Variants in RFTN1 observed in about 807,000 individuals in gnomAD.
RFTN1 encodes raftlin, lipid raft linker 1.
RFTN1 carries 26 observed loss-of-function variants against 46.5 expected under a neutral mutation model. The observed-to-expected ratio is 0.56, with a 90% CI of 0.41 to 0.78. The LOEUF (loss-of-function observed/expected upper bound fraction) is 0.78, where lower values mean the gene tolerates loss of function less well. Among genes scored for constraint, RFTN1 ranks in the 30% least tolerant of loss-of-function variants. The probability of loss-of-function intolerance (pLI) is 0.00; values close to 1 mark genes in which losing one functional copy is unlikely to be tolerated. For missense variants in RFTN1, 693 were observed against 718.7 expected (o/e 0.96, Z 0.41); for synonymous variants, 261 against 284.2 (o/e 0.92, Z 0.82).
At position 16,473,845 on chromosome 3, in the gene RFTN1, C is replaced by T. The variant is rs1364701110; in HGVS notation, c.145+19880G>A. On this transcript the variant is annotated intron_variant, in intron 2 of 9. Transcript: ENST00000334133. The surrounding 1 kb of genome is among the most constrained non-coding windows in gnomAD (Gnocchi z 5.3). ...CCTATCCTTCCCTGTCCTAGAAGCACGAAACCTACCTCTCCGGGCTGCCCT... is the reference window on the plus strand; with the variant it reads ...CCTATCCTTCCCTGTCCTAGAAGCATGAAACCTACCTCTCCGGGCTGCCCT... Among the ~76,000 whole-genome samples, 4 of 152,194 alleles carry T rather than the reference C, an allele frequency of 2.6e-5. No homozygotes were observed. The highest frequency in any genetic ancestry group is 4.8e-5 in the African/African-American group (2 of 41,450).
chr3:16,389,634 A>G (rs1254232884), intron 4 of RFTN1, among the ~76,000 whole-genome samples: 3 of 152,226 alleles, frequency 2.0e-5, no homozygotes, highest in African/African-American at 7.2e-5. Context: ...TTTGTTACGT[A>G]TTCTCAAAGT....
chr3:16,362,057 C>G (rs2072865678), intron 6 of RFTN1, among the ~76,000 whole-genome samples: 1 of 152,200 alleles, frequency 6.6e-6, no homozygotes, highest in Non-Finnish European at 1.5e-5. Context: ...CAACCTAGAC[C>G]TAAAAACAAG....
intron 2 of RFTN1, among the ~76,000 whole-genome samples, chr3:16,436,567 C>T (rs1256563066): frequency 1.3e-5 from 2 of 152,122 alleles, no homozygotes; most frequent in African/African-American, 2.4e-5. Context: ...AAACAATTCT[C>T]TTGTGAATTC....
chr3:16,479,418 A>C lies in RFTN1; in HGVS notation c.145+14307T>G, dbSNP rs1299799401. On this transcript the variant is annotated intron_variant, in intron 2 of 9. Transcript: ENST00000334133. This position sits in a 1 kb window ranked among gnomAD's most constrained non-coding sequence, Gnocchi z 5.1. ...ATTTACAGTCTCTAGATTGGCAAGA[A>C]ACAGTGGTAAGAAAAGAAACAGTTG... is the stretch of plus-strand genomic sequence containing the variant. 2.0e-5 allele frequency among the ~76,000 whole-genome samples: 3 copies of C among 152,256 alleles called. No individual in the cohort carries two copies. Among genetic ancestry groups the C allele is most frequent in the Non-Finnish European group, 4.4e-5 (3 of 68,046 alleles).
rs2070826988 is a variant in RFTN1 at position 16,336,135 on chromosome 3, C to G, written c.1147-9259G>C. ...AGGGCCACTTCACCTCTACCTCTCC[C>G]TAGCAAGTGGAAGGCAGATGCTGGA... is the stretch of plus-strand genomic sequence containing the variant. On this transcript the variant is annotated intron_variant, in intron 7 of 9. Transcript: ENST00000334133. The surrounding 1 kb of genome is among the most constrained non-coding windows in gnomAD (Gnocchi z 6.0). 6.6e-6 allele frequency among the ~76,000 whole-genome samples: 1 copy of G among 152,224 alleles called. No individual in the cohort carries two copies. Among genetic ancestry groups the G allele is most frequent in the African/African-American group, 2.4e-5 (1 of 41,464 alleles).
chr3:16,332,727 A>G (rs1160026813), intron 7 of RFTN1, among the ~76,000 whole-genome samples: 2 of 152,176 alleles, frequency 1.3e-5, no homozygotes, highest in Non-Finnish European at 2.9e-5. Flanking sequence ...TCATTTTGCT[A>G]AATTAGTTAG....
At chr3:16,379,187 A>G (rs1484696907) in intron 4 of RFTN1, among the ~76,000 whole-genome samples, 1 of 152,240 alleles carries the variant, frequency 6.6e-6, no homozygotes, top group African/African-American at 2.4e-5. Flanking sequence ...CAGTTTTGCC[A>G]GCACAGAGGT....
In RFTN1 at chr3:16,413,578, G is replaced by A. The variant is rs1316626295; in HGVS notation, c.333-4095C>T. 6.6e-6 allele frequency among the ~76,000 whole-genome samples: 1 copy of A among 152,166 alleles called. No individual in the cohort carries two copies. The highest frequency in any genetic ancestry group is 1.5e-5 in the Non-Finnish European group (1 of 68,032). ...TCCAGATGACTTCCACTTTTGGAAA[G>A]GACAGAGAGATCTGGTTTTAAACAG... is the stretch of plus-strand genomic sequence containing the variant. On this transcript the variant is annotated intron_variant, in intron 3 of 9. Coordinates refer to ENST00000334133, the MANE Select transcript of RFTN1 (RefSeq NM_015150.2). This position sits in a 1 kb window ranked among gnomAD's most constrained non-coding sequence, Gnocchi z 4.7.
At chr3:16,393,265 A>G (rs919541553) in intron 4 of RFTN1, among the ~76,000 whole-genome samples, 1 of 152,172 alleles carries the variant, frequency 6.6e-6, no homozygotes, top group Non-Finnish European at 1.5e-5. Flanking sequence ...GTAACCTGGA[A>G]CGAAGATTTG....
intron 2 of RFTN1, among the ~76,000 whole-genome samples, chr3:16,491,388 C>A (rs569926366): frequency 6.6e-6 from 1 of 152,250 alleles, no homozygotes; most frequent in East Asian, 1.9e-4. Context: ...TGGTGGCAGC[C>A]ACAGGAGAGC....
intron 2 of RFTN1, among the ~76,000 whole-genome samples, chr3:16,487,855 C>G (rs113075095): frequency 0.029 from 4,355 of 152,280 alleles, 93 homozygotes; most frequent in Middle Eastern, 0.051. Flanking sequence ...TTATGGGCCT[C>G]CATCTGCGAT....
rs2076338121 is a variant in RFTN1, at chr3:16,479,945, G to C, written c.145+13780C>G. On this transcript the variant is annotated intron_variant, in intron 2 of 9. Coordinates refer to ENST00000334133, the MANE Select transcript of RFTN1 (RefSeq NM_015150.2). The surrounding 1 kb of genome is among the most constrained non-coding windows in gnomAD (Gnocchi z 5.1). ...CTCTATTAGGGCTATACCCAAGCTG[G>C]CCTGGTTTCCAGATATAGGAGAACA... 6.6e-6 allele frequency among the ~76,000 whole-genome samples: 1 copy of C among 152,168 alleles called. No homozygotes were observed. Among genetic ancestry groups the C allele is most frequent in the African/African-American group, 2.4e-5 (1 of 41,430 alleles).
chr3:16,358,318 G>A (rs908038842), intron 6 of RFTN1, among the ~76,000 whole-genome samples: 4 of 152,120 alleles, frequency 2.6e-5, no homozygotes, highest in African/African-American at 7.2e-5. Context: ...GATTTCACAC[G>A]TTTACCTTCC....
In RFTN1 at chr3:16,318,252, G is replaced by C. The variant is rs139427495; in HGVS notation, c.1333-1020C>G. Among the ~76,000 whole-genome samples the C allele has an allele frequency of 3.4e-4, 51 of 152,238 alleles. No homozygotes were observed. The East Asian group carries it at 9.3e-3, about 28-fold the overall frequency. On this transcript the variant is annotated intron_variant, in intron 9 of 9. Transcript: ENST00000334133. ...GGCCCAGAGTGCACGTGGGGTTTTA[G>C]TTTTCAGTTCCCACCATGGCCACTT...
rs572865169 is a variant in RFTN1 at position 16,447,200 on chromosome 3, T to C, written c.146-13163A>G. Reference sequence around the variant, plus strand: ...CTAAGTCTACATAAAGTTCTATGCATTGTAAATGCATTTTAACAAATAATA... The same window carrying C: ...CTAAGTCTACATAAAGTTCTATGCACTGTAAATGCATTTTAACAAATAATA... On this transcript the variant is annotated intron_variant, in intron 2 of 9. Transcript: ENST00000334133. This position sits in a 1 kb window ranked among gnomAD's most constrained non-coding sequence, Gnocchi z 5.9. 6.6e-6 allele frequency among the ~76,000 whole-genome samples: 1 copy of C among 152,362 alleles called. No individual in the cohort carries two copies. Among genetic ancestry groups the C allele is most frequent in the South Asian group, 2.1e-4 (1 of 4,828 alleles).
rs1330262793 is a variant in RFTN1, at chr3:16,352,327, A to G, written c.1146+5605T>C. Among the ~76,000 whole-genome samples the G allele has an allele frequency of 6.6e-6, 1 of 152,234 alleles. No individual in the cohort carries two copies. Among genetic ancestry groups the G allele is most frequent in the Non-Finnish European group, 1.5e-5 (1 of 68,034 alleles). ...TGTCTATAAGCTCTGATGGGCTGTC[A>G]GGCTCAAAGATAAACAGATTCAGAG... On this transcript the variant is annotated intron_variant, in intron 7 of 9. Transcript: ENST00000334133. This position sits in a 1 kb window ranked among gnomAD's most constrained non-coding sequence, Gnocchi z 4.6.
intron 4 of RFTN1, among the ~76,000 whole-genome samples, chr3:16,408,162 T>C (rs1442323832): frequency 1.3e-5 from 2 of 152,046 alleles, no homozygotes; most frequent in Admixed American, 1.3e-4. Flanking sequence ...CCCTCCTGCC[T>C]CAGGCCCTCA....
Position 16,433,768 on chromosome 3 carries a change from A to C in RFTN1, c.332+83T>G, listed in dbSNP as rs570068896. On this transcript the variant is annotated intron_variant, in intron 3 of 9. Coordinates refer to ENST00000334133, the MANE Select transcript of RFTN1 (RefSeq NM_015150.2). This position sits in a 1 kb window ranked among gnomAD's most constrained non-coding sequence, Gnocchi z 4.4. ...GACAGCATGCAAATTTCAACCCCCA[A>C]CCCCATCCTCTCACTTCCCCTCCTC... 4.4e-5 allele frequency: 64 copies of C among 1,453,924 alleles called. 1 individual carries two copies. The South Asian group carries it at 4.8e-4, about 11-fold the overall frequency. 90.1% of individuals were successfully genotyped at this position (1,453,924 alleles called of 1,614,324 possible). A position where few individuals can be genotyped will look rare whatever the true frequency, so the allele number is the denominator to read the frequency against.
intron 4 of RFTN1, among the ~76,000 whole-genome samples, chr3:16,391,874 T>TTTTTG (rs2074352997): frequency 4.8e-5 from 1 of 20,838 alleles, no homozygotes; most frequent in African/African-American, 1.8e-4. Context: ...TTTTTGTTTT[T>TTTTTG]TTTTTTTGTT....
Sources: gnomAD v4.1 joint callset for allele counts (sites outside exome capture counted in the v4.1 genomes callset) on GRCh38, gnomAD v4.1.1 for gene constraint, Gnocchi (gnomAD v3.1) non-coding constraint, MANE v1.5 for transcripts, NCBI Gene and HGNC (gene_info 2026-07-23, HGNC 2026-07-21) for gene names.